CEP164: variants seen among roughly 807,000 people sequenced by gnomAD.
The protein encoded by CEP164 is centrosomal protein of 164 kDa.
In CEP164, 162 loss-of-function variants were observed where a neutral mutation model predicts 182.7. The ratio of observed to expected loss-of-function variants is 0.89; its 90% CI spans 0.78 to 1.01. The LOEUF (loss-of-function observed/expected upper bound fraction) is 1.01. Among genes scored for constraint, CEP164 ranks in the 50% least tolerant of loss-of-function variants. The probability of loss-of-function intolerance (pLI) is 0.00; values close to 1 mark genes in which losing one functional copy is unlikely to be tolerated. For missense variants in CEP164, 1,735 were observed against 1,790.4 expected (o/e 0.97, Z 0.56); for synonymous variants, 661 against 690.0 (o/e 0.96, Z 0.66).
At chr11:117,392,677 C>G (rs1448525050) in intron 19 of CEP164, 50 bp downstream of exon 19, 1 of 1,592,186 alleles carries the variant, frequency 6.3e-7, no homozygotes, top group Non-Finnish European at 8.6e-7. Flanking sequence ...TGTGGACTCT[C>G]TTACAGTCAG....
chr11:117,411,770 G>A lies in CEP164; in HGVS notation c.4164-25G>A, dbSNP rs368707378. The A allele has an allele frequency of 2.9e-5, 47 of 1,613,422 alleles. No homozygotes were observed. The African/African-American group carries it at 5.9e-4, about 20-fold the overall frequency. On this transcript the variant is annotated intron_variant, in intron 31 of 32. Transcript: ENST00000278935. The surrounding 1 kb of genome is among the most constrained non-coding windows in gnomAD (Gnocchi z 4.4). Reference sequence around the variant, plus strand: ...ACTTCCGCGCCTCCTCTCTCCCCTCGCCATGCTCTCCTCTTCCTTCCCAGT... The same window carrying A: ...ACTTCCGCGCCTCCTCTCTCCCCTCACCATGCTCTCCTCTTCCTTCCCAGT...
intron 13 of CEP164, 132 bp from the exon 14 acceptor site, chr11:117,382,664 G>A: frequency 2.8e-6 from 3 of 1,068,622 alleles, no homozygotes; most frequent in Non-Finnish European, 4.1e-6. Context: ...GGAGGTCTAA[G>A]ACCCGAGGTA....
At chr11:117,327,594 G>A (rs1463347519), upstream of CEP164, among the ~76,000 whole-genome samples, 1 of 151,344 alleles carries the variant, frequency 6.6e-6, no homozygotes, top group Non-Finnish European at 1.5e-5. Context: ...GAGCCACCGC[G>A]CCCAGCCGAT....
intron 3 of CEP164, among the ~76,000 whole-genome samples, chr11:117,343,827 C>T (rs1270234350): frequency 2.6e-5 from 4 of 151,966 alleles, no homozygotes; most frequent in Non-Finnish European, 5.9e-5. Flanking sequence ...GATGGGGTTT[C>T]ACCATGTTGG....
chr11:117,325,139 C>A (rs778082388), upstream of CEP164, among the ~76,000 whole-genome samples: 1 of 152,048 alleles, frequency 6.6e-6, no homozygotes, highest in Non-Finnish European at 1.5e-5. Context: ...GGCTGGAGTG[C>A]GGTGGCGTGA....
chr11:117,340,173 G>A (rs749198193), intron 3 of CEP164, among the ~76,000 whole-genome samples: 4 of 152,030 alleles, frequency 2.6e-5, no homozygotes, highest in African/African-American at 7.2e-5. Flanking sequence ...CTACAGATGC[G>A]TGCCACTGTG....
intron 17 of CEP164, among the ~76,000 whole-genome samples, chr11:117,391,585 A>T (rs565388638): frequency 1.3e-4 from 20 of 152,158 alleles, no homozygotes; most frequent in South Asian, 8.3e-4. Context: ...GCCAGACCAG[A>T]GGTTTTGAGA....
At chr11:117,344,131 C>A in intron 3 of CEP164, 35 bp from the exon 4 acceptor site, 2 of 1,263,040 alleles carry the variant, frequency 1.6e-6, no homozygotes, top group East Asian at 2.4e-5. Context: ...TTCTTTTCAT[C>A]TCTCTTACTT....
At chr11:117,353,282 C>T (rs1425566676) in intron 5 of CEP164, among the ~76,000 whole-genome samples, 1 of 152,140 alleles carries the variant, frequency 6.6e-6, no homozygotes, top group Non-Finnish European at 1.5e-5. Flanking sequence ...TCTTTTTTCC[C>T]TCCCCTCCCT....
chr11:117,411,996 G>T lies in CEP164; in HGVS notation c.4287-76G>T. The T allele has an allele frequency of 1.2e-6, 2 of 1,610,398 alleles. No individual in the cohort carries two copies. The highest frequency in any genetic ancestry group is 4.5e-5 in the East Asian group (2 of 44,856). On this transcript the variant is annotated intron_variant, in intron 32 of 32. Transcript: ENST00000278935. The surrounding 1 kb of genome is among the most constrained non-coding windows in gnomAD (Gnocchi z 4.4). ...GCCCTGAGGGGCTGAGGAGGATCCT[G>T]TTCAGCCTTTGACCCTTTCATGGCC...
At chr11:117,370,387 C>T (rs2042084934) in intron 8 of CEP164, among the ~76,000 whole-genome samples, 1 of 152,230 alleles carries the variant, frequency 6.6e-6, no homozygotes, top group African/African-American at 2.4e-5. Context: ...GTTCCATCAT[C>T]ATCTTGAATA....
rs2044901579 is a variant in CEP164 at position 117,393,101 on chromosome 11, A to G, written c.2591A>G (p.Lys864Arg). ...GAGGAGCACCAGCAAGTGATGGCTA[A>G]GGCCAGAGAGCAGTATGAAGCTGAG... ...MKEEHQQVMA[K>R]AREQYEAEER... The change falls in exon 20 of 33, where the codon AAG becomes AGG. Residue 864 changes from lysine (K) to arginine (R), a missense_variant. By Grantham distance (26) the Lys-to-Arg change is conservative. Coordinates refer to ENST00000278935, the MANE Select transcript of CEP164 (RefSeq NM_014956.5). 1 of 1,613,334 alleles carries G rather than the reference A, an allele frequency of 6.2e-7. No homozygotes were observed. Among genetic ancestry groups the G allele is most frequent in the South Asian group, 1.1e-5 (1 of 91,054 alleles).
In CEP164 at chr11:117,342,478, A is replaced by G. The variant is rs530013086; in HGVS notation, c.83-1688A>G. On this transcript the variant is annotated intron_variant, in intron 3 of 32. Coordinates refer to ENST00000278935, the MANE Select transcript of CEP164 (RefSeq NM_014956.5). ...ATTTATCTTTTTTCCTGTACGTGAGATAGCTCTTTTTTTTTTGGACAGGAT... is the reference window on the plus strand; with the variant it reads ...ATTTATCTTTTTTCCTGTACGTGAGGTAGCTCTTTTTTTTTTGGACAGGAT... 4.8e-4 allele frequency among the ~76,000 whole-genome samples: 73 copies of G among 151,414 alleles called. 1 individual carries two copies. The Middle Eastern group carries it at 0.01, about 21-fold the overall frequency.
chr11:117,405,114 C>T (rs952764448), intron 27 of CEP164, among the ~76,000 whole-genome samples: 1 of 152,168 alleles, frequency 6.6e-6, no homozygotes, highest in African/African-American at 2.4e-5. Flanking sequence ...GGATCTGGAA[C>T]TAGACCACTT....
intron 6 of CEP164, 120 bp downstream of exon 6, chr11:117,362,113 T>C: frequency 2.0e-6 from 2 of 1,015,396 alleles, no homozygotes; most frequent in South Asian, 3.3e-5. Context: ...TCAGAGTTCG[T>C]AATCCAGTTG....
At position 117,394,416 on chromosome 11, in the gene CEP164, C is replaced by T. The variant is rs377194707; in HGVS notation, c.2683C>T (p.His895Tyr). The T allele has an allele frequency of 1.2e-6, 2 of 1,613,686 alleles. No homozygotes were observed. Among genetic ancestry groups the T allele is most frequent in the Non-Finnish European group, 1.7e-6 (2 of 1,179,876 alleles). ...TGELERLQRA[H>Y]ERELETVRQE... is the part of the protein sequence containing the mutation. ...AGAGCTGGAGCGCCTGCAGAGGGCC[C>T]ATGAACGAGAACTGGAGACTGTGAG... The change falls in exon 21 of 33, where the codon CAT becomes TAT. Residue 895 changes from histidine (H) to tyrosine (Y), a missense_variant. His to Tyr is a moderately conservative substitution (Grantham distance 83). Transcript: ENST00000278935. The surrounding 1 kb of genome is among the most constrained non-coding windows in gnomAD (Gnocchi z 4.0).
chr11:117,381,193 G>A (rs1671190765), intron 12 of CEP164, among the ~76,000 whole-genome samples: 1 of 152,168 alleles, frequency 6.6e-6, no homozygotes, highest in East Asian at 1.9e-4. Context: ...GATGTGACAG[G>A]GGCTCTCAGC....
At chr11:117,376,288 A>T (rs557812520) in intron 11 of CEP164, among the ~76,000 whole-genome samples, 2 of 152,180 alleles carry the variant, frequency 1.3e-5, no homozygotes, top group Admixed American at 6.5e-5. Flanking sequence ...CTCAAATGGG[A>T]TGAATTGTTC....
chr11:117,356,114 G>C (rs1373626963), intron 5 of CEP164: 2 of 1,049,608 alleles, frequency 1.9e-6, no homozygotes, highest in Non-Finnish European at 1.2e-6. Context: ...ATCTGAGGAG[G>C]GTATGGCTCA....
Sources: allele counts gnomAD v4.1 joint callset (sites outside exome capture counted in the v4.1 genomes callset), GRCh38; gene constraint gnomAD v4.1.1; non-coding constraint Gnocchi (gnomAD v3.1); transcripts MANE v1.5; gene names NCBI Gene and HGNC (gene_info 2026-07-23, HGNC 2026-07-21).